OLA1: variants seen among roughly 807,000 people sequenced by gnomAD.
OLA1 encodes Obg like ATPase 1.
OLA1 carries 14 observed loss-of-function variants against 48.4 expected under a neutral mutation model. The ratio of observed to expected loss-of-function variants is 0.29; its 90% CI spans 0.19 to 0.45. OLA1 has a LOEUF of 0.45. Among genes scored for constraint, OLA1 ranks in the 20% least tolerant of loss-of-function variants. OLA1 has a pLI of 1.00. For synonymous variants in OLA1, 127 were observed against 150.4 expected (o/e 0.84, Z 1.14); for missense variants, 325 against 467.1 (o/e 0.70, Z 2.80).
chr2:174,241,669 T>C (rs2105466294), intron 2 of OLA1, among the ~76,000 whole-genome samples: 1 of 152,384 alleles, frequency 6.6e-6, no homozygotes, highest in East Asian at 1.9e-4. Flanking sequence ...AGAGTCGCAC[T>C]CTGTGGCCCA....
At chr2:174,118,180 T>A (rs924530638) in intron 7 of OLA1, among the ~76,000 whole-genome samples, 4 of 152,146 alleles carry the variant, frequency 2.6e-5, no homozygotes, top group Non-Finnish European at 4.4e-5. Context: ...ACCCCTGCGG[T>A]CCAATCGTCT....
At chr2:174,246,684 G>A (rs1689133577) in intron 2 of OLA1, 31 bp downstream of exon 2, 1 of 1,386,634 alleles carries the variant, frequency 7.2e-7, no homozygotes, top group African/African-American at 1.4e-5. Flanking sequence ...TTTACAAAAT[G>A]AAAATCACAA....
At chr2:174,111,914 T>C (rs1180880142) in intron 7 of OLA1, among the ~76,000 whole-genome samples, 1 of 152,238 alleles carries the variant, frequency 6.6e-6, no homozygotes. Flanking sequence ...AACTCTTTTA[T>C]GTACTGTCCC....
intron 7 of OLA1, among the ~76,000 whole-genome samples, chr2:174,119,256 A>G (rs1442949927): frequency 6.6e-6 from 1 of 152,080 alleles, no homozygotes; most frequent in East Asian, 1.9e-4. Context: ...CACAAAATTC[A>G]TTCACCAAAA....
At chr2:174,092,877 G>A (rs990355934) in intron 7 of OLA1, among the ~76,000 whole-genome samples, 3 of 152,146 alleles carry the variant, frequency 2.0e-5, no homozygotes, top group African/African-American at 7.2e-5. Flanking sequence ...GTACAGTGGG[G>A]TTATTTTCAT....
At chr2:174,240,831 G>A (rs1450803326) in intron 2 of OLA1, among the ~76,000 whole-genome samples, 2 of 152,088 alleles carry the variant, frequency 1.3e-5, no homozygotes, top group African/African-American at 4.8e-5. Context: ...AAACACAAGT[G>A]AGCTAAGAAT....
chr2:174,185,884 G>T (rs1415273664), intron 4 of OLA1, among the ~76,000 whole-genome samples: 2 of 152,096 alleles, frequency 1.3e-5, no homozygotes, highest in Non-Finnish European at 2.9e-5. Context: ...CCAAGATCAT[G>T]CCATTGCACT....
intron 7 of OLA1, among the ~76,000 whole-genome samples, chr2:174,097,502 A>G (rs1317407837): frequency 6.6e-6 from 1 of 152,146 alleles, no homozygotes. Context: ...TGGGGCCAGT[A>G]AGAAAGTGAG....
intron 2 of OLA1, among the ~76,000 whole-genome samples, chr2:174,239,345 A>G (rs1688941100): frequency 3.3e-5 from 5 of 152,218 alleles, no homozygotes; most frequent in Admixed American, 1.3e-4. Flanking sequence ...ATCAAAGTTA[A>G]TATCACCAAA....
chr2:174,130,707 G>A (rs1013113727), intron 5 of OLA1, among the ~76,000 whole-genome samples: 1 of 152,126 alleles, frequency 6.6e-6, no homozygotes, highest in Non-Finnish European at 1.5e-5. Context: ...TTAATAAAAG[G>A]AATACTGATA....
intron 7 of OLA1, among the ~76,000 whole-genome samples, chr2:174,082,762 A>G (rs1465189874): frequency 6.6e-6 from 1 of 152,140 alleles, no homozygotes; most frequent in African/African-American, 2.4e-5. Flanking sequence ...TAGGAAACTG[A>G]TCCTAGTTGT....
intron 4 of OLA1, among the ~76,000 whole-genome samples, chr2:174,219,579 C>A (rs1479599076): frequency 2.6e-5 from 4 of 151,892 alleles, no homozygotes; most frequent in African/African-American, 9.7e-5. Flanking sequence ...AGGCACATGC[C>A]ACCATACCCA....
chr2:174,147,048 T>C (rs1237283340), intron 4 of OLA1, among the ~76,000 whole-genome samples: 1 of 151,984 alleles, frequency 6.6e-6, no homozygotes, highest in African/African-American at 2.4e-5. Flanking sequence ...ACACCACACA[T>C]ACCATCAAGA....
chr2:174,141,983 C>T lies in OLA1; in HGVS notation c.391G>A (p.Asp131Asn). 1 of 1,613,172 alleles carries T rather than the reference C, an allele frequency of 6.2e-7. No homozygotes were observed. Among genetic ancestry groups the T allele is most frequent in the Non-Finnish European group, 8.5e-7 (1 of 1,179,694 alleles). Residue 131 changes from aspartate to asparagine, a missense_variant, in exon 5 of 11, where the codon GAT (aspartate) becomes AAT (asparagine). By Grantham distance (23) the Asp-to-Asn change is conservative. Coordinates refer to ENST00000284719, the MANE Select transcript of OLA1 (RefSeq NM_013341.5). The stretch of plus-strand genomic sequence containing the variant: ...ACACTTCCTTCAACGTGCGTGATAT[C>T]ATCATCTTCAAAAGCACCTAAAATG... ...FHLTRAFEDDDITHVEGSVDP... is the reference protein window; with the variant it reads ...FHLTRAFEDDNITHVEGSVDP...
At chr2:174,189,006 T>A (rs1687717274) in intron 4 of OLA1, among the ~76,000 whole-genome samples, 1 of 152,114 alleles carries the variant, frequency 6.6e-6, no homozygotes, top group Non-Finnish European at 1.5e-5. Context: ...GAAAAATACA[T>A]TGGCATATTG....
At chr2:174,093,923 C>T (rs1043297235) in intron 7 of OLA1, among the ~76,000 whole-genome samples, 1 of 152,208 alleles carries the variant, frequency 6.6e-6, no homozygotes, top group African/African-American at 2.4e-5. Context: ...GGGAGAGCCA[C>T]AAATCTTGAT....
chr2:174,234,773 A>G (rs2105460331), intron 2 of OLA1, among the ~76,000 whole-genome samples: 1 of 151,754 alleles, frequency 6.6e-6, no homozygotes, highest in South Asian at 2.1e-4. Flanking sequence ...CCTCAACTGT[A>G]CCTTAAGGAG....
intron 4 of OLA1, among the ~76,000 whole-genome samples, chr2:174,154,710 CG>C (rs1465748768): frequency 4.6e-5 from 7 of 151,678 alleles, no homozygotes; most frequent in Non-Finnish European, 8.8e-5. Flanking sequence ...ATTTTTACAC[CG>C]AAAAAAATGC....
At chr2:174,154,343 C>G (rs1050884584) in intron 4 of OLA1, among the ~76,000 whole-genome samples, 1 of 152,170 alleles carries the variant, frequency 6.6e-6, no homozygotes, top group African/African-American at 2.4e-5. Context: ...CTTGCCCTCA[C>G]CCTTCAAACC....
Sources: allele counts gnomAD v4.1 joint callset (sites outside exome capture counted in the v4.1 genomes callset), GRCh38; gene constraint gnomAD v4.1.1; transcripts MANE v1.5; gene names NCBI Gene and HGNC (gene_info 2026-07-23, HGNC 2026-07-21).